The following SH3D19 variants were observed in gnomAD, a reference collection of about 807,000 sequenced individuals.
The protein encoded by SH3D19 is SH3 domain-containing protein 19.
In SH3D19, 58 loss-of-function variants were observed where a neutral mutation model predicts 112.1. The observed-to-expected ratio is 0.52, with a 90% CI of 0.42 to 0.64. The LOEUF is 0.64. Among genes scored for constraint, SH3D19 ranks in the 30% least tolerant of loss-of-function variants. SH3D19 has a pLI of 0.00. For missense variants in SH3D19, 1,090 were observed against 1,263.4 expected, an observed-to-expected ratio of 0.86 and a Z score of 2.08; for synonymous variants, 391 against 448.5, an observed-to-expected ratio of 0.87 and a Z score of 1.62.
intron 2 of SH3D19, among the ~76,000 whole-genome samples, chr4:151,192,854 T>C (rs1446028527): frequency 1.3e-5 from 2 of 152,050 alleles, no homozygotes; most frequent in African/African-American, 2.4e-5. Flanking sequence ...AAAAAACAAA[T>C]CCCACAAAAA....
chr4:151,252,615 G>A (rs912921845), intron 1 of SH3D19, among the ~76,000 whole-genome samples: 3 of 152,138 alleles, frequency 2.0e-5, no homozygotes, highest in African/African-American at 7.2e-5. Context: ...TAAATACTAT[G>A]ACATGCTGAT....
At chr4:151,239,125 C>T in intron 1 of SH3D19, among the ~76,000 whole-genome samples, 1 of 152,188 alleles carries the variant, frequency 6.6e-6, no homozygotes, top group East Asian at 1.9e-4. Context: ...TGATCTTCCA[C>T]AGGCAGAAAT....
chr4:151,229,035 A>AT (rs34078148), intron 1 of SH3D19, among the ~76,000 whole-genome samples: 102,323 of 136,786 alleles, frequency 0.75, 41,732 homozygotes, highest in Non-Finnish European at 0.92. Flanking sequence ...AGCTAATTAA[A>AT]TTTTTTTTTT....
chr4:151,165,527 A>AT (rs1454746297), intron 8 of SH3D19, 62 bp downstream of exon 8: 2 of 1,260,068 alleles, frequency 1.6e-6, no homozygotes, highest in Non-Finnish European at 2.3e-6. Flanking sequence ...ACATTGATAA[A>AT]TTAGCATATA....
At chr4:151,319,967 T>C (rs1561457935) in intron 1 of SH3D19, among the ~76,000 whole-genome samples, 1 of 152,200 alleles carries the variant, frequency 6.6e-6, no homozygotes, top group East Asian at 1.9e-4. Flanking sequence ...ATTCCAGTAT[T>C]TACTAGCTGA....
chr4:151,238,878 A>G (rs1314595210), intron 1 of SH3D19, among the ~76,000 whole-genome samples: 1 of 152,148 alleles, frequency 6.6e-6, no homozygotes, highest in Non-Finnish European at 1.5e-5. Flanking sequence ...TGCAAATTCA[A>G]GCCCACCCCT....
chr4:151,274,145 C>CAAGCAGACATAAATG (rs1310307011), intron 1 of SH3D19, among the ~76,000 whole-genome samples: 7 of 152,142 alleles, frequency 4.6e-5, no homozygotes, highest in Non-Finnish European at 1.0e-4. Context: ...TCATCCCCAT[C>CAAGCAGACATAAATG]AAGCAGACAC....
intron 2 of SH3D19, among the ~76,000 whole-genome samples, chr4:151,197,010 G>C (rs376629989): frequency 5.3e-5 from 8 of 152,158 alleles, no homozygotes; most frequent in Admixed American, 5.2e-4. Flanking sequence ...TGTTGGTATG[G>C]ATGCAGTGAA....
At chr4:151,194,016 A>ATTTTTTTTTTTTTTTTTTT (rs201719037) in intron 2 of SH3D19, among the ~76,000 whole-genome samples, 1 of 111,894 alleles carries the variant, frequency 8.9e-6, no homozygotes, top group African/African-American at 4.5e-5. Flanking sequence ...AGTAGGATTA[A>ATTTTTTTTTTTTTTTTTTT]TTTTTTTTTT....
Position 151,128,219 on chromosome 4 carries a change from C to T in SH3D19, c.2880G>A (p.Leu960=). ...RLDSDWCRGR[L]QDREGIFPAV... Reference sequence around the variant, plus strand: ...CTGGGAAGATCCCCTCCCTGTCCTGCAGTCTGCCCCTGCACCAGTCAGAAT... The same window carrying T: ...CTGGGAAGATCCCCTCCCTGTCCTGTAGTCTGCCCCTGCACCAGTCAGAAT... Residue 960 remains leucine (L), a synonymous_variant, in exon 18 of 20, where the codon CTG becomes CTA. Coordinates refer to ENST00000604030, the MANE Select transcript of SH3D19 (RefSeq NM_001378122.1). The T allele has an allele frequency of 6.2e-7, 1 of 1,613,528 alleles. No individual in the cohort carries two copies. The highest frequency in any genetic ancestry group is 8.5e-7 in the Non-Finnish European group (1 of 1,179,764).
chr4:151,147,346 T>G (rs1754106453), intron 11 of SH3D19, among the ~76,000 whole-genome samples: 1 of 152,084 alleles, frequency 6.6e-6, no homozygotes, highest in Non-Finnish European at 1.5e-5. Flanking sequence ...CTGGGTCAGG[T>G]TTTTCAGAAT....
chr4:151,299,937 C>G (rs1415914025), intron 1 of SH3D19, among the ~76,000 whole-genome samples: 1 of 152,190 alleles, frequency 6.6e-6, no homozygotes. Context: ...TGTGGTGGCT[C>G]ACGCCTGTAA....
intron 14 of SH3D19, among the ~76,000 whole-genome samples, chr4:151,136,753 C>CAA (rs1352618961): frequency 6.6e-6 from 1 of 152,150 alleles, no homozygotes; most frequent in Non-Finnish European, 1.5e-5. Context: ...AGTGCTAAAA[C>CAA]AAACATTATT....
intron 1 of SH3D19, among the ~76,000 whole-genome samples, chr4:151,286,988 T>TAAC (rs1223508993): frequency 8.1e-6 from 1 of 123,162 alleles, no homozygotes; most frequent in Non-Finnish European, 1.7e-5. Flanking sequence ...TCAAAAATAA[T>TAAC]AATAATAATA....
intron 16 of SH3D19, 128 bp from the exon 17 acceptor site, chr4:151,132,511 A>G (rs1353204209): frequency 1.3e-6 from 1 of 740,846 alleles, no homozygotes; most frequent in Non-Finnish European, 2.3e-6. Flanking sequence ...CGGTCTCTTC[A>G]TGTATTGTCT....
intron 2 of SH3D19, among the ~76,000 whole-genome samples, chr4:151,218,763 T>C (rs10213332): frequency 0.81 from 123,457 of 152,134 alleles, 52,368 homozygotes; most frequent in Non-Finnish European, 0.95. Flanking sequence ...TTAGTACCTA[T>C]ACGTAGTCAT....
At chr4:151,186,967 G>A (rs191745879) in intron 3 of SH3D19, among the ~76,000 whole-genome samples, 1 of 151,248 alleles carries the variant, frequency 6.6e-6, no homozygotes, top group African/African-American at 2.4e-5. Context: ...GCTAATTTTT[G>A]GTATTTTTAG....
chr4:151,276,419 G>A (rs1773629512), intron 1 of SH3D19, among the ~76,000 whole-genome samples: 1 of 152,036 alleles, frequency 6.6e-6, no homozygotes, highest in Admixed American at 6.5e-5. Context: ...TCCAAGAACT[G>A]CCAACAGAGC....
intron 15 of SH3D19, among the ~76,000 whole-genome samples, chr4:151,134,768 C>T (rs142347777): frequency 6.6e-6 from 1 of 152,300 alleles, no homozygotes; most frequent in Non-Finnish European, 1.5e-5. Flanking sequence ...AACCCATTGT[C>T]ACCTTTTAAA....
Sources: allele counts gnomAD v4.1 joint callset (sites outside exome capture counted in the v4.1 genomes callset), GRCh38; gene constraint gnomAD v4.1.1; transcripts MANE v1.5; gene names NCBI Gene and HGNC (gene_info 2026-07-23, HGNC 2026-07-21).